Variants in DLEU7 observed in about 807,000 individuals in gnomAD.
DLEU7 encodes deleted in lymphocytic leukemia 7, also known as leukemia-associated protein 7.
In DLEU7, 17 loss-of-function variants were observed where a neutral mutation model predicts 16.0. The observed-to-expected ratio is 1.06, with a 90% confidence interval of 0.73 to 1.59. DLEU7 has a LOEUF of 1.59. DLEU7 is among the 40% of genes most tolerant of loss of function. DLEU7 has a pLI of 0.00. For synonymous variants in DLEU7, 113 were observed against 139.8 expected (o/e 0.81, Z 1.35); for missense variants, 308 against 314.9 (o/e 0.98, Z 0.17).
chr13:50,812,962 A>T (rs530708125), intron 1 of DLEU7: 75 of 152,274 alleles, frequency 4.9e-4, no homozygotes, highest in African/African-American at 1.8e-3. Context: ...GTCCGAAAAG[A>T]TAAAACACCA....
At position 50,772,380 on chromosome 13, in the gene DLEU7, G is replaced by A. The variant is rs7990316; in HGVS notation, c.460-59140C>T. On this transcript the variant is annotated intron_variant, in intron 1 of 1. Coordinates refer to the DLEU7 transcript ENST00000400393. ...TAGCCTCGATGGTCTTCACAATTTG[G>A]CATGTTTTTGCAGTGGCTGATACCA... 6.2e-3 allele frequency among the ~76,000 whole-genome samples: 949 copies of A among 152,238 alleles called. 9 individuals carry two copies. Among genetic ancestry groups the A allele is most frequent in the African/African-American group, 0.021 (892 of 41,532 alleles).
rs574814096 is a variant in DLEU7, at chr13:50,767,193, C to T, written c.460-53953G>A. Reference sequence around the variant, plus strand: ...AGACGTGGCCGGGCGCGGTGGCTCACGCCTGTAATCCCAGCACTTTGGGAG... The same window carrying T: ...AGACGTGGCCGGGCGCGGTGGCTCATGCCTGTAATCCCAGCACTTTGGGAG... On this transcript the variant is annotated intron_variant, in intron 1 of 1. Coordinates refer to the DLEU7 transcript ENST00000400393. Among the ~76,000 whole-genome samples the T allele has an allele frequency of 3.0e-4, 46 of 152,272 alleles. 1 individual carries two copies. The highest frequency in any genetic ancestry group is 1.0e-3 in the African/African-American group (42 of 41,552).
At chr13:50,827,416 T>C (rs1404677047) in intron 1 of DLEU7, among the ~76,000 whole-genome samples, 2 of 152,194 alleles carry the variant, frequency 1.3e-5, no homozygotes, top group African/African-American at 2.4e-5. Context: ...CAGTGGCTCA[T>C]GCCTGTAATC....
At chr13:50,767,115 T>C (rs1186985265) in intron 1 of DLEU7, among the ~76,000 whole-genome samples, 1 of 152,184 alleles carries the variant, frequency 6.6e-6, no homozygotes, top group South Asian at 2.1e-4. Context: ...ACAACATCTA[T>C]ACATTGAAGG....
chr13:50,771,650 C>A (rs1367239424), intron 1 of DLEU7, among the ~76,000 whole-genome samples: 1 of 152,276 alleles, frequency 6.6e-6, no homozygotes, highest in East Asian at 1.9e-4. Context: ...GATTTCTATT[C>A]TTTTACATTT....
chr13:50,728,052 A>C (rs2492345), intron 1 of DLEU7, among the ~76,000 whole-genome samples: 12,905 of 152,252 alleles, frequency 0.085, 585 homozygotes, highest in East Asian at 0.15. Flanking sequence ...TTTGAGAGCA[A>C]GACTTTGAAG....
In DLEU7 at chr13:50,767,230, C is replaced by T. The variant is rs1875141773; in HGVS notation, c.460-53990G>A. Among the ~76,000 whole-genome samples, 5 of 151,978 alleles carry T rather than the reference C, an allele frequency of 3.3e-5. 1 individual carries two copies. The South Asian group carries it at 1.0e-3, about 32-fold the overall frequency. ...CAGCACTTTGGGAGGCCGAGGCGGG[C>T]AGATCATGAGGTCAGGAGATCGAGA... On this transcript the variant is annotated intron_variant, in intron 1 of 1. Coordinates refer to the DLEU7 transcript ENST00000400393.
chr13:50,790,372 C>T (rs576257543), intron 1 of DLEU7, among the ~76,000 whole-genome samples: 1 of 152,150 alleles, frequency 6.6e-6, no homozygotes, highest in South Asian at 2.1e-4. Context: ...TTTCCTTCTC[C>T]CAAATCCTTT....
chr13:50,822,526 CT>C (rs967593336), downstream of DLEU7: 8 of 658,958 alleles, frequency 1.2e-5, no homozygotes, highest in Non-Finnish European at 1.5e-5. Flanking sequence ...CTCTTCCCGG[CT>C]CTAAACGGTT....
At chr13:50,790,652 G>A (rs531901898) in intron 1 of DLEU7, among the ~76,000 whole-genome samples, 2 of 152,162 alleles carry the variant, frequency 1.3e-5, no homozygotes, top group African/African-American at 4.8e-5. Flanking sequence ...TGTGGGATGC[G>A]AGGGGTGTGG....
chr13:50,765,447 AG>A (rs1259228563), intron 1 of DLEU7, among the ~76,000 whole-genome samples: 1 of 152,216 alleles, frequency 6.6e-6, no homozygotes, highest in East Asian at 1.9e-4. Flanking sequence ...AAAGAAGAGG[AG>A]GAAGGAGAAA....
chr13:50,819,641 C>G (rs1007996674), downstream of DLEU7, among the ~76,000 whole-genome samples: 2 of 152,068 alleles, frequency 1.3e-5, no homozygotes, highest in African/African-American at 4.8e-5. Context: ...TTAGGTGACA[C>G]TAATAGGGAA....
intron 1 of DLEU7, among the ~76,000 whole-genome samples, chr13:50,756,202 G>C (rs1874753261): frequency 1.3e-5 from 2 of 152,212 alleles, no homozygotes; most frequent in South Asian, 2.1e-4. Context: ...CCTCCTGCCA[G>C]GAGGTGGCAC....
At chr13:50,828,532 G>A (rs1877165023) in intron 1 of DLEU7, among the ~76,000 whole-genome samples, 1 of 152,076 alleles carries the variant, frequency 6.6e-6, no homozygotes, top group South Asian at 2.1e-4. Flanking sequence ...TGTAAATAAA[G>A]AATAATCCCT....
downstream of DLEU7, among the ~76,000 whole-genome samples, chr13:50,818,112 T>C (rs868274136): frequency 1.3e-5 from 2 of 152,322 alleles, no homozygotes; most frequent in South Asian, 4.1e-4. Context: ...CATCAGATGA[T>C]GTGACTTTTT....
In DLEU7 at chr13:50,784,163, G is replaced by A. The variant is rs558444327; in HGVS notation, c.459+59025C>T. ...GCTTTGGAAGCACTTCTGCTTTTTG[G>A]GTTATTGATGTGCTCATGTTGTATT... On this transcript the variant is annotated intron_variant, in intron 1 of 1. Coordinates refer to the DLEU7 transcript ENST00000400393. 7.8e-4 allele frequency among the ~76,000 whole-genome samples: 119 copies of A among 152,258 alleles called. 1 individual carries two copies. In the South Asian group the frequency reaches 0.012, roughly 15 times the overall value.
At chr13:50,805,840 G>T (rs77948889) in intron 1 of DLEU7, among the ~76,000 whole-genome samples, 26,922 of 152,014 alleles carry the variant, frequency 0.18, 4,212 homozygotes, top group African/African-American at 0.42. Flanking sequence ...TCTTTTTTGG[G>T]AAGTAAAGTT....
At chr13:50,747,426 G>A (rs893613033) in intron 1 of DLEU7, among the ~76,000 whole-genome samples, 5 of 151,680 alleles carry the variant, frequency 3.3e-5, no homozygotes, top group African/African-American at 9.7e-5. Flanking sequence ...GTGTTTGGGG[G>A]GCACATAAGA....
intron 1 of DLEU7, among the ~76,000 whole-genome samples, chr13:50,770,221 G>C (rs1231870984): frequency 1.3e-5 from 2 of 152,092 alleles, no homozygotes; most frequent in Admixed American, 6.5e-5. Context: ...CTGCAAACAG[G>C]GACAATTTGA....
Sources: allele counts gnomAD v4.1 joint callset (sites outside exome capture counted in the v4.1 genomes callset), GRCh38; gene constraint gnomAD v4.1.1; transcripts MANE v1.5; gene names NCBI Gene and HGNC (gene_info 2026-07-23, HGNC 2026-07-21).